Variants in IMMP2L observed in about 807,000 individuals in gnomAD.
The protein encoded by IMMP2L is mitochondrial inner membrane protease subunit 2.
A neutral mutation model predicts 19.3 loss-of-function variants in IMMP2L; 18 were observed. That is an observed-to-expected ratio of 0.93 (90% CI 0.64 to 1.38). The LOEUF (loss-of-function observed/expected upper bound fraction) is 1.38. IMMP2L is among the 40% of genes most tolerant of loss of function. The pLI is 0.00. For synonymous variants in IMMP2L, 76 were observed against 73.0 expected (o/e 1.04, Z -0.21); for missense variants, 233 against 218.2 (o/e 1.07, Z -0.43).
At chr7:110,665,391 C>T (rs189070757) in intron 5 of IMMP2L, among the ~76,000 whole-genome samples, 2 of 152,158 alleles carry the variant, frequency 1.3e-5, no homozygotes, top group Admixed American at 6.5e-5. Context: ...GAATGAAGAC[C>T]GTTTCATATA....
At chr7:110,874,675 C>T (rs1215036461) in intron 5 of IMMP2L, among the ~76,000 whole-genome samples, 3 of 152,148 alleles carry the variant, frequency 2.0e-5, no homozygotes, top group Admixed American at 1.3e-4. Context: ...TCAGAACTTA[C>T]TCTTTAAAAT....
At chr7:111,122,967 C>A in intron 3 of IMMP2L, 1 of 1,614,040 alleles carries the variant, frequency 6.2e-7, no homozygotes, top group South Asian at 1.1e-5. Flanking sequence ...CTTTCCCAGC[C>A]AGATTGCCAG....
chr7:110,680,302 C>A (rs111283968), intron 5 of IMMP2L, among the ~76,000 whole-genome samples: 2,965 of 152,164 alleles, frequency 0.019, 100 homozygotes, highest in African/African-American at 0.068. Context: ...AGAGACAATT[C>A]CTGATTCCAA....
rs961888782 is a variant in IMMP2L, at chr7:111,562,071, G to A, written c.-223C>T. On this transcript the variant is annotated 5_prime_UTR_variant, in exon 1 of 6. Coordinates refer to ENST00000405709, the MANE Select transcript of IMMP2L (RefSeq NM_032549.4). ...ACGGCCAGAGCCGGGGGCCGGACTA[G>A]GCCCCTTTGTGAGGACTGGGAGAGG... 1.6e-4 allele frequency: 24 copies of A among 152,356 alleles called. No homozygotes were observed. The highest frequency in any genetic ancestry group is 5.3e-4 in the African/African-American group (22 of 41,466). 9.4% of individuals were successfully genotyped at this position (152,356 alleles called of 1,614,324 possible). A position where few individuals can be genotyped will look rare whatever the true frequency, so the allele number is the denominator to read the frequency against.
chr7:110,976,843 T>C (rs1319405942), intron 3 of IMMP2L, among the ~76,000 whole-genome samples: 1 of 151,934 alleles, frequency 6.6e-6, no homozygotes, highest in African/African-American at 2.4e-5. Flanking sequence ...AGAAAAGCCA[T>C]AATATATTTC....
At chr7:111,227,414 G>C (rs1813222267) in intron 3 of IMMP2L, among the ~76,000 whole-genome samples, 1 of 152,034 alleles carries the variant, frequency 6.6e-6, no homozygotes, top group Non-Finnish European at 1.5e-5. Flanking sequence ...TATATTATAG[G>C]ATATCTCCCT....
intron 3 of IMMP2L, chr7:111,411,883 G>T: frequency 5.0e-6 from 1 of 199,610 alleles, no homozygotes; most frequent in Non-Finnish European, 1.1e-5. Context: ...CTGTCAAATA[G>T]ACCCATGTAC....
chr7:111,200,002 A>C (rs1282353852), intron 3 of IMMP2L, among the ~76,000 whole-genome samples: 1 of 152,106 alleles, frequency 6.6e-6, no homozygotes, highest in African/African-American at 2.4e-5. Flanking sequence ...ACATGACTTT[A>C]TATCCTTCAC....
intron 4 of IMMP2L, among the ~76,000 whole-genome samples, chr7:110,939,425 T>C (rs1051371394): frequency 3.3e-5 from 5 of 150,782 alleles, no homozygotes; most frequent in Admixed American, 2.6e-4. Flanking sequence ...TCTAAAATTG[T>C]AAAGCGAGTA....
chr7:110,675,084 T>A (rs556121353), intron 5 of IMMP2L, among the ~76,000 whole-genome samples: 2 of 152,220 alleles, frequency 1.3e-5, no homozygotes, highest in African/African-American at 4.8e-5. Context: ...AATATATTTT[T>A]TATAAAGTAG....
chr7:111,074,666 T>C (rs1349876226), intron 3 of IMMP2L, among the ~76,000 whole-genome samples: 6 of 152,186 alleles, frequency 3.9e-5, no homozygotes, highest in Non-Finnish European at 8.8e-5. Flanking sequence ...TTCTTCCTAA[T>C]GGGGCTTGAT....
At chr7:111,009,543 A>G (rs1824695608) in intron 3 of IMMP2L, among the ~76,000 whole-genome samples, 1 of 152,086 alleles carries the variant, frequency 6.6e-6, no homozygotes, top group Non-Finnish European at 1.5e-5. Context: ...ACAGGTATAC[A>G]AGAACACCTT....
rs1814629221 is a variant in IMMP2L at position 110,924,419 on chromosome 7, G to A, written c.306-37724C>T. On this transcript the variant is annotated intron_variant, in intron 4 of 5. Coordinates refer to ENST00000405709, the MANE Select transcript of IMMP2L (RefSeq NM_032549.4). This position sits in a 1 kb window ranked among gnomAD's most constrained non-coding sequence, Gnocchi z 4.2. ...AACGGAGTCCTGCAATGACATACCAGACTCATTAAAGGGGCCCCATCCTTC... is the reference window on the plus strand; with the variant it reads ...AACGGAGTCCTGCAATGACATACCAAACTCATTAAAGGGGCCCCATCCTTC... Among the ~76,000 whole-genome samples the A allele has an allele frequency of 6.6e-6, 1 of 152,050 alleles. No individual in the cohort carries two copies.
chr7:110,740,822 T>C (rs1004238419), intron 5 of IMMP2L, among the ~76,000 whole-genome samples: 3 of 151,962 alleles, frequency 2.0e-5, no homozygotes, highest in African/African-American at 7.3e-5. Flanking sequence ...TGTAAACTAG[T>C]ACAAACACTA....
chr7:111,470,771 T>C (rs1841182474), intron 3 of IMMP2L, among the ~76,000 whole-genome samples: 1 of 149,944 alleles, frequency 6.7e-6, no homozygotes, highest in Non-Finnish European at 1.5e-5. Flanking sequence ...ATATACCTAA[T>C]GCTAAATGAC....
At chr7:111,523,590 A>G (rs1290602154) in intron 1 of IMMP2L, among the ~76,000 whole-genome samples, 1 of 152,096 alleles carries the variant, frequency 6.6e-6, no homozygotes, top group African/African-American at 2.4e-5. Context: ...CTTGTTTTTT[A>G]TACTTTTATC....
intron 5 of IMMP2L, among the ~76,000 whole-genome samples, chr7:110,819,002 C>T (rs1222943922): frequency 6.6e-6 from 1 of 151,162 alleles, no homozygotes; most frequent in Non-Finnish European, 1.5e-5. Flanking sequence ...GGAGATATAC[C>T]TAATGTAAAT....
Position 110,701,765 on chromosome 7 carries a change from A to C in IMMP2L, c.409-38044T>G, listed in dbSNP as rs543355736. ...AATCCCATTTTAAAGATGAGAAACT[A>C]GATTAAAGACACTAGATAAATTTTT... On this transcript the variant is annotated intron_variant, in intron 5 of 5. Transcript: ENST00000405709. Among the ~76,000 whole-genome samples, 7 of 152,316 alleles carry C rather than the reference A, an allele frequency of 4.6e-5. No individual in the cohort carries two copies. In the South Asian group the frequency reaches 1.5e-3, roughly 32 times the overall value.
At chr7:111,375,103 T>C (rs1830568347) in intron 3 of IMMP2L, among the ~76,000 whole-genome samples, 1 of 152,072 alleles carries the variant, frequency 6.6e-6, no homozygotes, top group Admixed American at 6.6e-5. Flanking sequence ...CACTGATTAT[T>C]AACTCAGCAG....
Sources: gnomAD v4.1 joint callset for allele counts (sites outside exome capture counted in the v4.1 genomes callset) on GRCh38, gnomAD v4.1.1 for gene constraint, Gnocchi (gnomAD v3.1) non-coding constraint, MANE v1.5 for transcripts, NCBI Gene and HGNC (gene_info 2026-07-23, HGNC 2026-07-21) for gene names.